GLRX3: variants seen among roughly 807,000 people sequenced by gnomAD.
GLRX3 encodes glutaredoxin 3, also known as glutaredoxin-3.
Under a neutral mutation model 49.5 loss-of-function variants are expected in GLRX3, and 22 were observed. The observed-to-expected ratio is 0.44, with a 90% confidence interval of 0.32 to 0.63. The LOEUF is 0.63. GLRX3 is among the 30% of genes least tolerant of loss of function. The pLI is 0.05. For missense variants in GLRX3, 385 were observed against 396.3 expected, an observed-to-expected ratio of 0.97 and a Z score of 0.24; for synonymous variants, 133 against 140.0, an observed-to-expected ratio of 0.95 and a Z score of 0.35.
In GLRX3 at chr10:130,163,499, A is replaced by G. The variant is rs1183660976; in HGVS notation, c.478+2502A>G. The stretch of plus-strand genomic sequence containing the variant: ...ATTTAATTAATAAAAGACAATAAAT[A>G]TTTTGAGATACATATGGTTGAATGG... On this transcript the variant is annotated intron_variant, in intron 4 of 10. Coordinates refer to ENST00000331244, the MANE Select transcript of GLRX3 (RefSeq NM_006541.5). Among the ~76,000 whole-genome samples the G allele has an allele frequency of 3.3e-5, 5 of 152,340 alleles. No individual in the cohort carries two copies. In the East Asian group the frequency reaches 7.7e-4, roughly 23 times the overall value.
intron 8 of GLRX3, among the ~76,000 whole-genome samples, chr10:130,173,700 C>G (rs998217528): frequency 1.3e-5 from 2 of 152,156 alleles, no homozygotes; most frequent in South Asian, 4.1e-4. Flanking sequence ...AGAGATCTGC[C>G]ACCTTTAGTT....
intron 4 of GLRX3, among the ~76,000 whole-genome samples, chr10:130,163,557 A>G (rs1862618606): frequency 6.6e-6 from 1 of 152,174 alleles, no homozygotes; most frequent in South Asian, 2.1e-4. Context: ...ACTTCTATAT[A>G]ATTTTTATAA....
intron 8 of GLRX3, among the ~76,000 whole-genome samples, chr10:130,173,228 T>C (rs1862848386): frequency 6.6e-6 from 1 of 152,200 alleles, no homozygotes; most frequent in South Asian, 2.1e-4. Flanking sequence ...GCTCGTGTCT[T>C]TGGTGGAACA....
chr10:130,159,899 C>A, intron 2 of GLRX3, 96 bp from the exon 3 acceptor site: 1 of 1,263,960 alleles, frequency 7.9e-7, no homozygotes. Context: ...AAAATGCCAG[C>A]TACTTGAAGG....
intron 10 of GLRX3, among the ~76,000 whole-genome samples, chr10:130,178,015 C>T (rs16910182): frequency 0.037 from 5,620 of 152,198 alleles, 195 homozygotes; most frequent in East Asian, 0.1. Flanking sequence ...GCCTGTACTG[C>T]AGTTCCAGTC....
At chr10:130,139,117 C>T (rs12252684) in intron 1 of GLRX3, among the ~76,000 whole-genome samples, 3,013 of 151,782 alleles carry the variant, frequency 0.02, 41 homozygotes, top group Non-Finnish European at 0.031. Context: ...CGCTTCCCAG[C>T]GTGCTGGGAT....
At chr10:130,167,030 A>G (rs756679377) in intron 6 of GLRX3, 50 bp downstream of exon 6, 5 of 1,005,972 alleles carry the variant, frequency 5.0e-6, no homozygotes, top group Admixed American at 5.1e-5. Flanking sequence ...TATATTAAAA[A>G]TATTTTAAAG....
At chr10:130,146,440 T>C (rs187065206) in intron 2 of GLRX3, among the ~76,000 whole-genome samples, 5 of 152,184 alleles carry the variant, frequency 3.3e-5, no homozygotes, top group Non-Finnish European at 7.3e-5. Context: ...TTGCCTCTTT[T>C]GTTTTTCACT....
Position 130,160,030 on chromosome 10 carries a change from A to G in GLRX3, c.237A>G (p.Lys79=), listed in dbSNP as rs1191533432. ...EAEGVPEVSE[K]YEISSVPTFL... ...AAGGTGTTCCTGAAGTATCTGAAAAATATGAAATTAGCTCTGTTCCCACTT... is the reference window on the plus strand; with the variant it reads ...AAGGTGTTCCTGAAGTATCTGAAAAGTATGAAATTAGCTCTGTTCCCACTT... Residue 79 remains lysine, a synonymous_variant, in exon 3 of 11, where the codon AAA becomes AAG. Transcript: ENST00000331244. The G allele has an allele frequency of 6.2e-7, 1 of 1,602,264 alleles. No individual in the cohort carries two copies.
intron 2 of GLRX3, among the ~76,000 whole-genome samples, chr10:130,156,000 G>A (rs949351768): frequency 1.3e-5 from 2 of 152,244 alleles, no homozygotes; most frequent in African/African-American, 4.8e-5. Flanking sequence ...CAGCCATGAA[G>A]TGGAACATGG....
rs571716623 is a variant in GLRX3, at chr10:130,167,989, G to A, written c.713+1009G>A. ...GGCTGTGTGGTCTCCAAAGACAGCT[G>A]TGTTTTTTATATGCTTGTATTTGCT... On this transcript the variant is annotated intron_variant, in intron 6 of 10. Transcript: ENST00000331244. Among the ~76,000 whole-genome samples, 18 of 152,268 alleles carry A rather than the reference G, an allele frequency of 1.2e-4. No homozygotes were observed. In the South Asian group the frequency reaches 1.5e-3, roughly 12 times the overall value.
chr10:130,168,531 G>C (rs567337348), intron 6 of GLRX3, among the ~76,000 whole-genome samples: 133 of 152,260 alleles, frequency 8.7e-4, no homozygotes, highest in Non-Finnish European at 1.6e-3. Flanking sequence ...TGCAAGCTCC[G>C]CCTCCCGGGT....
intron 2 of GLRX3, among the ~76,000 whole-genome samples, chr10:130,156,849 C>T (rs68132396): frequency 0.27 from 40,636 of 152,080 alleles, 5,446 homozygotes; most frequent in South Asian, 0.35. Context: ...AGGCATTTTG[C>T]CTGGATTCTG....
chr10:130,172,097 T>C (rs1298570139), intron 8 of GLRX3, among the ~76,000 whole-genome samples: 2 of 152,230 alleles, frequency 1.3e-5, no homozygotes, highest in Non-Finnish European at 2.9e-5. Flanking sequence ...TTAACTTAGA[T>C]CAAAATAGTA....
chr10:130,151,544 C>T (rs1862376863), intron 2 of GLRX3, among the ~76,000 whole-genome samples: 1 of 151,990 alleles, frequency 6.6e-6, no homozygotes, highest in South Asian at 2.1e-4. Flanking sequence ...CCAACAGGCC[C>T]CGGTGTGTGA....
chr10:130,180,143 G>C (rs1862997225), downstream of GLRX3: 1 of 150,414 alleles, frequency 6.6e-6, no homozygotes, highest in South Asian at 2.1e-4. Flanking sequence ...CCAGGCTGGA[G>C]TGCAGTGGCA....
chr10:130,167,420 C>A (rs949738599), intron 6 of GLRX3, among the ~76,000 whole-genome samples: 1 of 152,190 alleles, frequency 6.6e-6, no homozygotes, highest in African/African-American at 2.4e-5. Flanking sequence ...CACCTCGCAA[C>A]AAGCTTTGAG....
chr10:130,137,053 A>G (rs1345697690), intron 1 of GLRX3, among the ~76,000 whole-genome samples: 1 of 151,862 alleles, frequency 6.6e-6, no homozygotes, highest in African/African-American at 2.4e-5. Flanking sequence ...CGGCGAGGGA[A>G]GGCCCCGTTG....
intron 2 of GLRX3, among the ~76,000 whole-genome samples, chr10:130,147,013 A>T (rs146581664): frequency 3.1e-4 from 47 of 152,392 alleles, no homozygotes; most frequent in African/African-American, 9.6e-4. Flanking sequence ...GTCCCACCAC[A>T]TAAGTAACTG....
Sources: gnomAD v4.1 joint callset for allele counts (sites outside exome capture counted in the v4.1 genomes callset) on GRCh38, gnomAD v4.1.1 for gene constraint, MANE v1.5 for transcripts, NCBI Gene and HGNC (gene_info 2026-07-23, HGNC 2026-07-21) for gene names.